ADGRG2: variants seen among roughly 807,000 people sequenced by gnomAD.
ADGRG2 encodes adhesion G protein-coupled receptor G2, also known as G protein-coupled receptor 64.
In ADGRG2, 26 loss-of-function variants were observed where a neutral mutation model predicts 74.1. The ratio of observed to expected loss-of-function variants is 0.35; its 90% CI spans 0.26 to 0.49. The LOEUF is 0.49. ADGRG2 is among the 20% of genes least tolerant of loss of function. ADGRG2 has a pLI of 0.99. For missense variants in ADGRG2, 619 were observed against 763.1 expected (o/e 0.81, Z 2.22); for synonymous variants, 296 against 295.2 (o/e 1.00, Z -0.03).
chrX:19,044,257 CAG>C (rs1344197311), intron 3 of ADGRG2, among the ~76,000 whole-genome samples: 1 of 111,270 alleles, frequency 9.0e-6, no homozygotes, highest in Non-Finnish European at 1.9e-5. Flanking sequence ...CTTCAATTCC[CAG>C]AGTCTAGAAG....
chrX:18,994,698 G>A (rs377374273), intron 28 of ADGRG2, among the ~76,000 whole-genome samples, 198 bp downstream of exon 28: 4 of 111,635 alleles, frequency 3.6e-5, no homozygotes, highest in East Asian at 2.8e-4. Context: ...TTAAAAAATC[G>A]TTGTTCCAGT....
chrX:18,999,396 G>A (rs2060083125), intron 25 of ADGRG2, 117 bp from the exon 26 acceptor site: 2 of 603,091 alleles, frequency 3.3e-6, no homozygotes, highest in Non-Finnish European at 5.1e-6. Flanking sequence ...CAGTACAAGA[G>A]AAAAAAAATG....
In ADGRG2 at chrX:19,106,608, G is replaced by A. The variant is rs767322325; in HGVS notation, c.-47+15834C>T. Among the ~76,000 whole-genome samples the A allele has an allele frequency of 7.3e-5, 8 of 109,477 alleles. No individual in the cohort carries two copies. The South Asian group carries it at 3.2e-3, about 44-fold the overall frequency. Reference sequence around the variant, plus strand: ...AGGTGAGGGAGATTTGAAAGAAGTTGCTATTCCAGGTTAAAAAAAGAGCAC... The same window carrying A: ...AGGTGAGGGAGATTTGAAAGAAGTTACTATTCCAGGTTAAAAAAAGAGCAC... On this transcript the variant is annotated intron_variant, in intron 1 of 28. Coordinates refer to ENST00000379869, the MANE Select transcript of ADGRG2 (RefSeq NM_001079858.3).
chrX:19,044,509 A>C lies in ADGRG2; in HGVS notation c.119-4285T>G, dbSNP rs146021891. On this transcript the variant is annotated intron_variant, in intron 3 of 28. Transcript: ENST00000379869. ...GTTCCAGGGATTTTAGGATGTGGAC[A>C]TTTTTGGGGAGCCATCAGTCTTTCC... Among the ~76,000 whole-genome samples, 266 of 112,051 alleles carry C rather than the reference A, an allele frequency of 2.4e-3. 1 individual carries two copies. The highest frequency in any genetic ancestry group is 8.2e-3 in the African/African-American group (253 of 30,856).
At chrX:19,019,911 C>T (rs60594383) in intron 14 of ADGRG2, among the ~76,000 whole-genome samples, 24,264 of 111,097 alleles carry the variant, frequency 0.22, 2,403 homozygotes, top group African/African-American at 0.37. Context: ...CACTCTTCAG[C>T]AACTCCTAAG....
At chrX:19,112,062 G>T (rs1259425537) in intron 1 of ADGRG2, among the ~76,000 whole-genome samples, 1 of 108,974 alleles carries the variant, frequency 9.2e-6, no homozygotes, top group East Asian at 2.9e-4. Context: ...AATCTAAAGG[G>T]AATTATTATT....
intron 11 of ADGRG2, among the ~76,000 whole-genome samples, chrX:19,026,495 CT>C (rs781304544): frequency 0.039 from 3,680 of 94,923 alleles, 172 homozygotes; most frequent in African/African-American, 0.13. Context: ...ACTGGGGGCA[CT>C]TTTTTTTTTT....
intron 28 of ADGRG2, 128 bp downstream of exon 28, chrX:18,994,768 A>G: frequency 1.0e-5 from 4 of 390,817 alleles, no homozygotes; most frequent in Non-Finnish European, 1.7e-5. Context: ...AGGGAACCAC[A>G]TTTTGATCCA....
Position 19,013,757 on chromosome X carries a change from G to A in ADGRG2, c.1028C>T (p.Ala343Val). 8.3e-7 allele frequency: 1 copy of A among 1,199,954 alleles called. No individual in the cohort carries two copies. Among genetic ancestry groups the A allele is most frequent in the Non-Finnish European group, 1.1e-6 (1 of 889,621 alleles). Residue 343 changes from alanine (A) to valine (V), a missense_variant, in exon 16 of 29, where the codon GCC (alanine) becomes GTC (valine). By Grantham distance (64) the Ala-to-Val change is moderately conservative. This residue lies in a region of ADGRG2 where 292 missense variants were observed against 318.0 expected (regional missense o/e 0.92). Transcript: ENST00000379869. ...HVSGTPPPVK[A>V]SFSSPTVSAP... ...AGACACGGTGGGAGAGGAAAATGAG[G>A]CTTTCACAGGAGGTGGGGTGCCGGA...
chrX:19,086,546 C>T (rs949321055), intron 1 of ADGRG2, among the ~76,000 whole-genome samples: 2 of 111,314 alleles, frequency 1.8e-5, no homozygotes, highest in Admixed American at 9.6e-5. Flanking sequence ...AAATGACCTC[C>T]GGGTGTACTT....
At chrX:19,094,329 T>C (rs1467556313) in intron 1 of ADGRG2, among the ~76,000 whole-genome samples, 1 of 110,984 alleles carries the variant, frequency 9.0e-6, no homozygotes, top group Non-Finnish European at 1.9e-5. Flanking sequence ...TACCTTCATG[T>C]AACAAAGCTG....
chrX:19,003,264 A>C (rs2060165955), intron 23 of ADGRG2, 150 bp from the exon 24 acceptor site: 2 of 453,990 alleles, frequency 4.4e-6, no homozygotes, highest in Non-Finnish European at 7.7e-6. Flanking sequence ...TCCTGGGCTC[A>C]AGCGATCTTC....
chrX:19,000,753 C>T (rs987278344), intron 24 of ADGRG2, among the ~76,000 whole-genome samples: 2 of 87,609 alleles, frequency 2.3e-5, no homozygotes, highest in Non-Finnish European at 4.5e-5. Context: ...ACCCCCCACC[C>T]GGCCCCCCTC....
intron 6 of ADGRG2, among the ~76,000 whole-genome samples, chrX:19,036,653 A>ACACACACAC (rs749830664): frequency 9.1e-6 from 1 of 109,652 alleles, no homozygotes. Context: ...ACACACACAC[A>ACACACACAC]AAATGGGATC....
At position 19,002,947 on chromosome X, in the gene ADGRG2, G is replaced by A; in HGVS notation, c.2129C>T (p.Thr710Ile). 1 of 1,205,922 alleles carries A rather than the reference G, an allele frequency of 8.3e-7. No homozygotes were observed. The highest frequency in any genetic ancestry group is 1.1e-6 in the Non-Finnish European group (1 of 890,232). Reference sequence around the variant, plus strand: ...ATGGAATGCTTCTAGGCCCATCCATGTGAATGAGACCAAGAGAAAATAATG... The same window carrying A: ...ATGGAATGCTTCTAGGCCCATCCATATGAATGAGACCAAGAGAAAATAATG... ...FLHYFLLVSF[T>I]WMGLEAFHMY... The change falls in exon 24 of 29, where the codon ACA (threonine) becomes ATA (isoleucine). Residue 710 changes from threonine to isoleucine, a missense_variant. Coordinates refer to ENST00000379869, the MANE Select transcript of ADGRG2 (RefSeq NM_001079858.3).
rs201062107 is a variant in ADGRG2 at position 18,996,162 on chromosome X, GA to G, written c.2615-11del. 57 of 891,670 alleles carry G rather than the reference GA, an allele frequency of 6.4e-5. No homozygotes were observed. In the South Asian group the frequency reaches 7.4e-4, roughly 12 times the overall value. 73.5% of individuals were successfully genotyped at this position (891,670 alleles called of 1,213,427 possible). A position where few individuals can be genotyped will look rare whatever the true frequency, so the allele number is the denominator to read the frequency against. ...ATGAATATGAAAAATCCTAAGGAGG[GA>G]AAAAAAACCCACAATGAATTCCAAG... On this transcript the variant is annotated splice_polypyrimidine_tract_variant and intron_variant, in intron 26 of 28. Coordinates refer to ENST00000379869, the MANE Select transcript of ADGRG2 (RefSeq NM_001079858.3).
At chrX:19,092,979 T>C (rs756517456) in intron 1 of ADGRG2, among the ~76,000 whole-genome samples, 3 of 112,195 alleles carry the variant, frequency 2.7e-5, no homozygotes, top group Admixed American at 9.4e-5. Flanking sequence ...AGGAAGTAGG[T>C]AAGTAGGTCA....
Position 19,019,658 on chromosome X carries a change from G to A in ADGRG2, c.651C>T (p.Cys217=). 1 of 1,150,977 alleles carries A rather than the reference G, an allele frequency of 8.7e-7. No individual in the cohort carries two copies. The highest frequency in any genetic ancestry group is 1.8e-5 in the South Asian group (1 of 55,215). The allele number at this position is 1,150,977 out of a possible 1,213,427, so 94.9% of individuals were successfully genotyped here. Residue 217 remains cysteine (C), a synonymous_variant, in exon 15 of 29, where the codon TGC becomes TGT. Transcript: ENST00000379869. ...ERVKIRPMEH[C]CCSVRIPCPS... ...GGCAGGGTATCCTGACAGAACAGCAGCAGTGTTCTAGGAGAGACAAAAGGA... is the reference window on the plus strand; with the variant it reads ...GGCAGGGTATCCTGACAGAACAGCAACAGTGTTCTAGGAGAGACAAAAGGA...
intron 1 of ADGRG2, among the ~76,000 whole-genome samples, chrX:19,120,771 GCT>G (rs1361018145): frequency 8.9e-6 from 1 of 112,512 alleles, no homozygotes; most frequent in Non-Finnish European, 1.9e-5. Context: ...AGCCAGCCCT[GCT>G]ATCAGATCAT....
Sources: allele counts gnomAD v4.1 joint callset (sites outside exome capture counted in the v4.1 genomes callset), GRCh38; gene constraint gnomAD v4.1.1; regional missense constraint gnomAD v4.1.1; transcripts MANE v1.5; gene names NCBI Gene and HGNC (gene_info 2026-07-23, HGNC 2026-07-21).